The following RANBP17 variants were observed in gnomAD, a reference collection of about 807,000 sequenced individuals.
RANBP17 encodes RAN binding protein 17.
In RANBP17, 158 loss-of-function variants were observed where a neutral mutation model predicts 141.2. The observed-to-expected ratio is 1.12, with a 90% CI of 0.98 to 1.28. The LOEUF (loss-of-function observed/expected upper bound fraction) is 1.28, where lower values mean the gene tolerates loss of function less well. Among genes scored for constraint, RANBP17 ranks in the 50% most tolerant of loss-of-function variants. RANBP17 has a pLI of 0.00. For synonymous variants in RANBP17, 430 were observed against 450.0 expected (o/e 0.96, Z 0.56); for missense variants, 1,438 against 1,290.7 (o/e 1.11, Z -1.75).
At chr5:171,038,162 T>TTTTGTGTG (rs1554085878) in intron 14 of RANBP17, among the ~76,000 whole-genome samples, 5 of 144,842 alleles carry the variant, frequency 3.5e-5, no homozygotes, top group African/African-American at 1.3e-4. Context: ...TTCTTAGGTA[T>TTTTGTGTG]TGTGTGTGTG....
intron 25 of RANBP17, among the ~76,000 whole-genome samples, chr5:171,266,963 C>CA (rs1452701385): frequency 2.1e-4 from 31 of 149,302 alleles, no homozygotes; most frequent in Admixed American, 4.0e-4. Context: ...ACATACATGC[C>CA]AAAAATATTT....
At chr5:171,121,384 C>G (rs1380712928) in intron 14 of RANBP17, among the ~76,000 whole-genome samples, 1 of 152,246 alleles carries the variant, frequency 6.6e-6, no homozygotes, top group African/African-American at 2.4e-5. Flanking sequence ...AGGGTTGTAT[C>G]TTCCAAGAGC....
At chr5:170,895,595 A>G (rs1353723886) in intron 4 of RANBP17, among the ~76,000 whole-genome samples, 7 of 152,196 alleles carry the variant, frequency 4.6e-5, no homozygotes, top group Admixed American at 4.6e-4. Context: ...AGAGATTTGA[A>G]TTAGTGCCTA....
At chr5:170,879,763 A>T (rs910730794) in intron 2 of RANBP17, among the ~76,000 whole-genome samples, 6 of 152,250 alleles carry the variant, frequency 3.9e-5, no homozygotes, top group African/African-American at 1.4e-4. Context: ...AGCAGTAAAA[A>T]CTTATCACTG....
chr5:171,252,105 G>C (rs1765612179), intron 24 of RANBP17: 1 of 1,596,612 alleles, frequency 6.3e-7, no homozygotes, highest in Admixed American at 1.7e-5. Flanking sequence ...AGAAAAAGTT[G>C]GAGTAATACC....
chr5:171,155,094 A>AAAAATATATAT (rs34090443), intron 14 of RANBP17, among the ~76,000 whole-genome samples: 1 of 74,988 alleles, frequency 1.3e-5, no homozygotes, highest in African/African-American at 5.2e-5. Context: ...AAAAAAAAAA[A>AAAAATATATAT]ATATATATAT....
chr5:171,292,838 T>G (rs554563015), intron 25 of RANBP17, among the ~76,000 whole-genome samples: 7 of 152,256 alleles, frequency 4.6e-5, no homozygotes, highest in Non-Finnish European at 8.8e-5. Context: ...CCCAAAGAGA[T>G]CTTTCTTAAA....
intron 14 of RANBP17, among the ~76,000 whole-genome samples, chr5:171,064,643 C>G (rs1462550697): frequency 6.6e-6 from 1 of 152,136 alleles, no homozygotes; most frequent in Non-Finnish European, 1.5e-5. Context: ...ACTACAGACA[C>G]ATGCCACTGT....
rs369054097 is a variant in RANBP17 at position 171,152,211 on chromosome 5, G to A, written c.1711-17919G>A. ...GAGGATCACTTGAGGTCAGGAGTTC[G>A]AGACCAGCCTGGCCAACATGGTGAA... On this transcript the variant is annotated intron_variant, in intron 14 of 27. Transcript: ENST00000523189. Among the ~76,000 whole-genome samples the A allele has an allele frequency of 1.3e-3, 191 of 151,272 alleles. 9 individuals carry two copies. In the South Asian group the frequency reaches 0.039, roughly 31 times the overall value.
intron 24 of RANBP17, among the ~76,000 whole-genome samples, chr5:171,254,233 C>T (rs1219420977): frequency 5.2e-5 from 7 of 134,572 alleles, no homozygotes; most frequent in South Asian, 2.6e-4. Flanking sequence ...GGCAACAGAG[C>T]GAGACTCTGT....
At chr5:171,007,819 G>T (rs1179888354) in intron 14 of RANBP17, among the ~76,000 whole-genome samples, 4 of 152,144 alleles carry the variant, frequency 2.6e-5, no homozygotes, top group Non-Finnish European at 5.9e-5. Flanking sequence ...AGTTGAAGAG[G>T]TTTTAAGTTC....
intron 16 of RANBP17, among the ~76,000 whole-genome samples, chr5:171,172,035 A>G (rs1421624901): frequency 6.6e-6 from 1 of 151,994 alleles, no homozygotes. Flanking sequence ...CTTGTGAAAG[A>G]TAAGTGTTGG....
intron 5 of RANBP17, chr5:170,904,062 C>G (rs781702618): frequency 4.4e-6 from 2 of 457,228 alleles, no homozygotes; most frequent in Non-Finnish European, 8.6e-6. Flanking sequence ...TAAACATAGT[C>G]TTTACCTCAC....
At chr5:171,164,142 GT>G (rs1378772318) in intron 14 of RANBP17, among the ~76,000 whole-genome samples, 18 of 152,090 alleles carry the variant, frequency 1.2e-4, no homozygotes, top group African/African-American at 4.3e-4. Flanking sequence ...ATAAAGGACT[GT>G]TATTGAATTT....
intron 10 of RANBP17, 27 bp from the exon 11 acceptor site, chr5:170,919,414 A>G: frequency 2.1e-6 from 3 of 1,453,842 alleles, no homozygotes; most frequent in Non-Finnish European, 2.8e-6. Flanking sequence ...TAATATTTTA[A>G]ATAACTTCTG....
chr5:170,945,954 T>C (rs1160934999), intron 12 of RANBP17, among the ~76,000 whole-genome samples: 1 of 152,142 alleles, frequency 6.6e-6, no homozygotes, highest in Non-Finnish European at 1.5e-5. Context: ...TAAGAGATTG[T>C]TGGATTATAA....
At chr5:171,186,272 A>G (rs907128734) in intron 18 of RANBP17, among the ~76,000 whole-genome samples, 6 of 152,160 alleles carry the variant, frequency 3.9e-5, no homozygotes, top group African/African-American at 1.4e-4. Flanking sequence ...TGTTTAGTGC[A>G]GCCACTTTCA....
chr5:171,245,856 C>A (rs1407577782), intron 24 of RANBP17, among the ~76,000 whole-genome samples: 1 of 151,522 alleles, frequency 6.6e-6, no homozygotes, highest in African/African-American at 2.4e-5. Context: ...CTTTACCCAG[C>A]CTTGGGAGTT....
intron 21 of RANBP17, among the ~76,000 whole-genome samples, chr5:171,218,541 C>A (rs1327180257): frequency 1.3e-5 from 2 of 152,210 alleles, no homozygotes; most frequent in African/African-American, 4.8e-5. Flanking sequence ...CTTTATATGT[C>A]TCTAAGAACT....
Sources: gnomAD v4.1 joint callset for allele counts (sites outside exome capture counted in the v4.1 genomes callset) on GRCh38, gnomAD v4.1.1 for gene constraint, MANE v1.5 for transcripts, NCBI Gene and HGNC (gene_info 2026-07-23, HGNC 2026-07-21) for gene names.